ASPRV1: variants seen among roughly 807,000 people sequenced by gnomAD.
ASPRV1 encodes retroviral-like aspartic protease 1.
A neutral mutation model predicts 11.0 loss-of-function variants in ASPRV1; 7 were observed. The ratio of observed to expected loss-of-function variants is 0.64; its 90% CI spans 0.36 to 1.20. The LOEUF (loss-of-function observed/expected upper bound fraction) is 1.20, where lower values mean the gene tolerates loss of function less well. ASPRV1 is among the 50% of genes most tolerant of loss of function. ASPRV1 has a pLI of 0.02. For missense variants in ASPRV1, 299 were observed against 320.0 expected (o/e 0.93, Z 0.50); for synonymous variants, 136 against 138.4 (o/e 0.98, Z 0.12).
At chr2:70,000,069 T>C in the ASPRV1 span, among the ~76,000 whole-genome samples, 1,435 of 152,334 alleles carry the variant, frequency 9.4e-3, 29 homozygotes, top group African/African-American at 0.033. Context: ...TGGCCACCTC[T>C]AGCCTCATGG....
chr2:70,066,293 C>T, the ASPRV1 span, among the ~76,000 whole-genome samples: 1 of 151,520 alleles, frequency 6.6e-6, no homozygotes, highest in African/African-American at 2.4e-5. Flanking sequence ...GGCTGGAGTA[C>T]AATGGCGCAA....
chr2:70,009,311 CTTATTTATTTAT>C, the ASPRV1 span, among the ~76,000 whole-genome samples: 22 of 147,644 alleles, frequency 1.5e-4, no homozygotes, highest in South Asian at 8.6e-4. Context: ...AATTTATTGT[CTTATTTATTTAT>C]TTATTTATTT....
chr2:69,987,883 T>A, the ASPRV1 span, among the ~76,000 whole-genome samples: 1 of 152,198 alleles, frequency 6.6e-6, no homozygotes, highest in Non-Finnish European at 1.5e-5. Flanking sequence ...AGTGCCCAGG[T>A]ACAGCTGCTC....
the ASPRV1 span, chr2:70,083,427 C>T: frequency 6.6e-6 from 1 of 152,230 alleles, no homozygotes; most frequent in Non-Finnish European, 1.5e-5. Context: ...ACCAACTTAA[C>T]ATAAGAGGAA....
At chr2:69,933,200 CAA>C in the ASPRV1 span, among the ~76,000 whole-genome samples, 594 of 80,160 alleles carry the variant, frequency 7.4e-3, 7 homozygotes, top group African/African-American at 0.021. Flanking sequence ...AACTCTGTCT[CAA>C]AAAAAAAAAA....
the ASPRV1 span, among the ~76,000 whole-genome samples, chr2:70,010,221 G>A: frequency 1.3e-5 from 2 of 152,080 alleles, no homozygotes. Flanking sequence ...GTAGGGGCAC[G>A]GGAGATACAC....
At chr2:70,062,635 A>G in the ASPRV1 span, among the ~76,000 whole-genome samples, 2 of 152,174 alleles carry the variant, frequency 1.3e-5, no homozygotes, top group Non-Finnish European at 2.9e-5. Context: ...TAATCTAGAC[A>G]GAGCAGTCTG....
At chr2:70,013,609 G>C in the ASPRV1 span, among the ~76,000 whole-genome samples, 1 of 152,144 alleles carries the variant, frequency 6.6e-6, no homozygotes, top group Non-Finnish European at 1.5e-5. Flanking sequence ...AAGTATGTTG[G>C]CCTGGTGCAG....
chr2:69,936,973 C>A, the ASPRV1 span: 5 of 592,588 alleles, frequency 8.4e-6, no homozygotes, highest in African/African-American at 9.2e-5. Context: ...TGAGGGCTAC[C>A]AGGGTGCCAG....
At chr2:69,986,454 C>T in the ASPRV1 span, among the ~76,000 whole-genome samples, 78 of 152,230 alleles carry the variant, frequency 5.1e-4, no homozygotes, top group African/African-American at 1.9e-3. Context: ...AGGTCAAGGC[C>T]TCCCAAACCA....
At chr2:70,021,320 CTTTT>C in the ASPRV1 span, among the ~76,000 whole-genome samples, 8 of 137,618 alleles carry the variant, frequency 5.8e-5, no homozygotes, top group Admixed American at 7.3e-5. Context: ...TGAATAAATT[CTTTT>C]TTTTTTTTTT....
the ASPRV1 span, among the ~76,000 whole-genome samples, chr2:69,980,555 G>A: frequency 4.8e-3 from 734 of 152,258 alleles, 5 homozygotes; most frequent in African/African-American, 0.017. Flanking sequence ...ATCCTGGAAT[G>A]TATCCCAGAA....
At chr2:69,938,299 C>T in the ASPRV1 span, 143 of 1,611,920 alleles carry the variant, frequency 8.9e-5, no homozygotes, top group South Asian at 1.5e-4. Flanking sequence ...GTGGGCACTG[C>T]GGCTGTCTCC....
At chr2:70,029,903 G>C in the ASPRV1 span, 1 of 152,094 alleles carries the variant, frequency 6.6e-6, no homozygotes, top group Admixed American at 6.6e-5. Context: ...CCAGTCACAT[G>C]ATCTCTTTTT....
chr2:69,972,067 AT>A, the ASPRV1 span, among the ~76,000 whole-genome samples: 2,290 of 143,334 alleles, frequency 0.016, 20 homozygotes, highest in Non-Finnish European at 0.025. Flanking sequence ...TTTCTTTACC[AT>A]TTTTTTTTTT....
chr2:70,042,438 A>G, the ASPRV1 span, among the ~76,000 whole-genome samples: 3 of 152,200 alleles, frequency 2.0e-5, no homozygotes, highest in Non-Finnish European at 4.4e-5. Flanking sequence ...GAAAGTGTGG[A>G]AAGTCCCTGG....
At chr2:70,048,128 A>G in the ASPRV1 span, among the ~76,000 whole-genome samples, 3 of 145,884 alleles carry the variant, frequency 2.1e-5, no homozygotes, top group Admixed American at 2.1e-4. Flanking sequence ...AAAAAAAAAA[A>G]AAAGAGGCAA....
At chr2:70,034,506 C>T in the ASPRV1 span, among the ~76,000 whole-genome samples, 9 of 150,344 alleles carry the variant, frequency 6.0e-5, no homozygotes, top group African/African-American at 1.5e-4. Flanking sequence ...GGGAGGTGGA[C>T]GTTGCACTAA....
the ASPRV1 span, among the ~76,000 whole-genome samples, chr2:70,009,764 G>C: frequency 2.6e-4 from 40 of 152,314 alleles, no homozygotes; most frequent in African/African-American, 8.7e-4. Flanking sequence ...GAAAGGTTCT[G>C]AAGGAAATAA....
Sources: allele counts gnomAD v4.1 joint callset (sites outside exome capture counted in the v4.1 genomes callset), GRCh38; gene constraint gnomAD v4.1.1; transcripts MANE v1.5; gene names NCBI Gene and HGNC (gene_info 2026-07-23, HGNC 2026-07-21).